Variants in ZNF649 observed in about 807,000 individuals in gnomAD.
The protein encoded by ZNF649 is zinc finger protein 649.
ZNF649 carries 7 observed loss-of-function variants against 14.1 expected under a neutral mutation model. The observed-to-expected ratio is 0.49, with a 90% CI of 0.28 to 0.93. The LOEUF (loss-of-function observed/expected upper bound fraction) is 0.93. ZNF649 is among the 40% of genes least tolerant of loss of function. The pLI, the probability that ZNF649 is intolerant of heterozygous loss-of-function variation, is 0.10. For synonymous variants in ZNF649, 227 were observed against 212.3 expected (o/e 1.07, Z -0.60); for missense variants, 544 against 608.1 (o/e 0.89, Z 1.11).
rs1431729338 is a variant in ZNF649 at position 51,890,571 on chromosome 19, ACT to A, written c.*45_*46del. On this transcript the variant is annotated 3_prime_UTR_variant, in exon 5 of 5. Coordinates refer to ENST00000354957, the MANE Select transcript of ZNF649 (RefSeq NM_023074.4). ...GCCAAAGGCCCATGGGACATGACAA[ACT>A]CAGCATTCCGCTGGAGGCTATATGA... 5.3e-6 allele frequency: 7 copies of A among 1,313,646 alleles called. No homozygotes were observed. The African/African-American group carries it at 1.0e-4, about 19-fold the overall frequency. The allele number at this position is 1,313,646 out of a possible 1,614,324, so 81.4% of individuals were successfully genotyped here. A position where few individuals can be genotyped will look rare whatever the true frequency, so the allele number is the denominator to read the frequency against.
chr19:51,898,782 T>A (rs1249000447), intron 2 of ZNF649, among the ~76,000 whole-genome samples: 1 of 151,472 alleles, frequency 6.6e-6, no homozygotes, highest in African/African-American at 2.4e-5. Flanking sequence ...GTGTGGTGGT[T>A]TGTACCTGTG....
chr19:51,891,634 G>A lies in ZNF649; in HGVS notation c.502C>T (p.His168Tyr), dbSNP rs1480318838. 9 of 1,614,240 alleles carry A rather than the reference G, an allele frequency of 5.6e-6. No individual in the cohort carries two copies. Among genetic ancestry groups the A allele is most frequent in the Non-Finnish European group, 7.6e-6 (9 of 1,180,042 alleles). Residue 168 changes from histidine to tyrosine, a missense_variant, in exon 5 of 5, where the codon CAT becomes TAT. Coordinates refer to ENST00000354957, the MANE Select transcript of ZNF649 (RefSeq NM_023074.4). The surrounding 1 kb of genome is among the most constrained non-coding windows in gnomAD (Gnocchi z 4.2). ...TTCTCTATGTTGTGTGTTTGCTGAT[G>A]TTTAAGGAATTGTGACTTGGTGCTG... is the stretch of plus-strand genomic sequence containing the variant. ...PISTKSQFLK[H>Y]QQTHNIEKAH...
intron 4 of ZNF649, among the ~76,000 whole-genome samples, chr19:51,895,238 C>G (rs939543233): frequency 6.6e-6 from 1 of 152,112 alleles, no homozygotes; most frequent in African/African-American, 2.4e-5. Flanking sequence ...TATTAAAAAC[C>G]ATTTCATGAA....
chr19:51,901,082 C>G (rs930766260), intron 1 of ZNF649, among the ~76,000 whole-genome samples: 2 of 148,972 alleles, frequency 1.3e-5, no homozygotes, highest in Non-Finnish European at 2.9e-5. Context: ...CACTTAATTC[C>G]CCGAGCCACA....
At chr19:51,896,698 C>T (rs965574997) in intron 3 of ZNF649, 131 bp from the exon 4 acceptor site, 27 of 1,569,446 alleles carry the variant, frequency 1.7e-5, no homozygotes, top group Middle Eastern at 1.7e-4. Context: ...TTTTCTAAGA[C>T]GAAGGAAGAT....
At chr19:51,896,724 G>T in intron 3 of ZNF649, 128 bp downstream of exon 3, 1 of 1,593,450 alleles carries the variant, frequency 6.3e-7, no homozygotes, top group Non-Finnish European at 8.6e-7. Context: ...CTCTTCCTGT[G>T]GGACCAGAGA....
At chr19:51,893,681 A>T (rs1200790227) in intron 4 of ZNF649, among the ~76,000 whole-genome samples, 1 of 152,182 alleles carries the variant, frequency 6.6e-6, no homozygotes, top group East Asian at 1.9e-4. Flanking sequence ...ATCATGCCCT[A>T]CTTGCACAGA....
In ZNF649 at chr19:51,890,582, C is replaced by T. The variant is rs775760375; in HGVS notation, c.*36G>A. 2.0e-5 allele frequency: 28 copies of T among 1,416,458 alleles called. No individual in the cohort carries two copies. Among genetic ancestry groups the T allele is most frequent in the East Asian group, 6.8e-5 (3 of 43,910 alleles). 87.7% of individuals were successfully genotyped at this position (1,416,458 alleles called of 1,614,324 possible). A position where few individuals can be genotyped will look rare whatever the true frequency, so the allele number is the denominator to read the frequency against. ...ATGGGACATGACAAACTCAGCATTC[C>T]GCTGGAGGCTATATGATCAAACAGC... On this transcript the variant is annotated 3_prime_UTR_variant, in exon 5 of 5. Coordinates refer to ENST00000354957, the MANE Select transcript of ZNF649 (RefSeq NM_023074.4).
At chr19:51,899,545 G>A (rs545545005) in intron 2 of ZNF649, among the ~76,000 whole-genome samples, 25 of 152,326 alleles carry the variant, frequency 1.6e-4, no homozygotes, top group Non-Finnish European at 2.5e-4. Context: ...GTGAGCTCTG[G>A]AAAAACTGTG....
At chr19:51,893,388 A>T (rs910593311) in intron 4 of ZNF649, among the ~76,000 whole-genome samples, 2 of 147,302 alleles carry the variant, frequency 1.4e-5, no homozygotes, top group Admixed American at 1.4e-4. Flanking sequence ...AGGCAAAAAA[A>T]AAAAAGTTTC....
rs372189298 is a variant in ZNF649, at chr19:51,891,689, T to G, written c.447A>C (p.Glu149Asp). 4.0e-5 allele frequency: 65 copies of G among 1,613,472 alleles called. 1 individual carries two copies. Among genetic ancestry groups the G allele is most frequent in the Admixed American group, 1.3e-4 (8 of 59,868 alleles). ...GTTTTCTACTTTCAGGGAATTCAAT[T>G]TCCGTAGGCATTTGTTCATGATTAT... Reference protein sequence around the residue: ...LHDNHEQMPTEIEFPESRKPI... With the variant: ...LHDNHEQMPTDIEFPESRKPI... The change falls in exon 5 of 5, where the codon GAA becomes GAC. Residue 149 changes from glutamate to aspartate, a missense_variant. Coordinates refer to ENST00000354957, the MANE Select transcript of ZNF649 (RefSeq NM_023074.4). This position sits in a 1 kb window ranked among gnomAD's most constrained non-coding sequence, Gnocchi z 4.2.
chr19:51,900,363 G>A (rs2085087851), intron 1 of ZNF649, 69 bp from the exon 2 acceptor site: 5 of 383,350 alleles, frequency 1.3e-5, no homozygotes, highest in South Asian at 1.3e-4. Flanking sequence ...CTCTGCTGCT[G>A]TAAACTCTCC....
chr19:51,903,322 G>T (rs1448385764), intron 1 of ZNF649, among the ~76,000 whole-genome samples: 1 of 151,916 alleles, frequency 6.6e-6, no homozygotes, highest in Admixed American at 6.6e-5. Context: ...TTGCCAGGCA[G>T]AGCTAAAATT....
In ZNF649 at chr19:51,892,102, G is replaced by A. The variant is rs1427176607; in HGVS notation, c.239-205C>T. Among the ~76,000 whole-genome samples the A allele has an allele frequency of 2.0e-5, 3 of 152,104 alleles. No individual in the cohort carries two copies. The East Asian group carries it at 5.8e-4, about 29-fold the overall frequency. The stretch of plus-strand genomic sequence containing the variant: ...ATAAGATAAAATTTGCCAGCTGGGT[G>A]CGGTGGCTTATGCCTGTAATCCCAG... On this transcript the variant is annotated intron_variant, in intron 4 of 4. Coordinates refer to ENST00000354957, the MANE Select transcript of ZNF649 (RefSeq NM_023074.4).
Position 51,896,570 on chromosome 19 carries a change from G to A in ZNF649, c.143-3C>T. The A allele has an allele frequency of 1.2e-6, 2 of 1,614,010 alleles. No individual in the cohort carries two copies. The highest frequency in any genetic ancestry group is 1.7e-6 in the Non-Finnish European group (2 of 1,179,884). ...ATCAGGTTTGCCGGCTTGATACCCT[G>A]TTTGTGGGAAATGGGAGAAGACTTA... On this transcript the variant is annotated splice_region_variant and splice_polypyrimidine_tract_variant and intron_variant, in intron 3 of 4. Coordinates refer to ENST00000354957, the MANE Select transcript of ZNF649 (RefSeq NM_023074.4).
At chr19:51,892,144 G>A (rs1390948486) in intron 4 of ZNF649, among the ~76,000 whole-genome samples, 3 of 152,242 alleles carry the variant, frequency 2.0e-5, no homozygotes, top group Admixed American at 2.0e-4. Flanking sequence ...GAGAGGCCAA[G>A]GCGGGTGGAT....
At chr19:51,898,166 CA>C (rs1045818401) in intron 2 of ZNF649, among the ~76,000 whole-genome samples, 6 of 151,792 alleles carry the variant, frequency 4.0e-5, no homozygotes, top group African/African-American at 9.7e-5. Context: ...TCTTTTCCAG[CA>C]ACACTTTCTC....
chr19:51,890,270 C>CA lies in ZNF649; in HGVS notation c.*347dup. 1 of 208,518 alleles carries CA rather than the reference C, an allele frequency of 4.8e-6. No individual in the cohort carries two copies. Among genetic ancestry groups the CA allele is most frequent in the African/African-American group, 2.3e-5 (1 of 43,268 alleles). The allele number at this position is 208,518 out of a possible 1,614,324, so 12.9% of individuals were successfully genotyped here. ...ATTTTCATGTACATATGTGTATACACAAAAAGATTTGTGAACTTGAACAAG... is the reference window on the plus strand; with the variant it reads ...ATTTTCATGTACATATGTGTATACACAAAAAAGATTTGTGAACTTGAACAAG... On this transcript the variant is annotated 3_prime_UTR_variant, in exon 5 of 5. Transcript: ENST00000354957.
At chr19:51,898,114 A>AAAC (rs1212201820) in intron 2 of ZNF649, among the ~76,000 whole-genome samples, 5 of 151,752 alleles carry the variant, frequency 3.3e-5, no homozygotes, top group African/African-American at 1.2e-4. Flanking sequence ...AAAAAAAAAA[A>AAAC]ACTATGAATC....
Sources: gnomAD v4.1 joint callset for allele counts (sites outside exome capture counted in the v4.1 genomes callset) on GRCh38, gnomAD v4.1.1 for gene constraint, Gnocchi (gnomAD v3.1) non-coding constraint, MANE v1.5 for transcripts, NCBI Gene and HGNC (gene_info 2026-07-23, HGNC 2026-07-21) for gene names.